PDE1A: variants seen among roughly 807,000 people sequenced by gnomAD.
PDE1A encodes the protein phosphodiesterase 1A, also known as dual specificity calcium/calmodulin-dependent 3',5'-cyclic nucleotide phosphodiesterase 1A.
Under a neutral mutation model 61.7 loss-of-function variants are expected in PDE1A, and 35 were observed. The ratio of observed to expected loss-of-function variants is 0.57; its 90% CI spans 0.43 to 0.75. The LOEUF (loss-of-function observed/expected upper bound fraction) is 0.75, where lower values mean the gene tolerates loss of function less well. Ranked by LOEUF, PDE1A falls within the 30% of genes least tolerant of loss-of-function variation. PDE1A has a pLI of 0.00. For synonymous variants in PDE1A, 232 were observed against 213.2 expected, an observed-to-expected ratio of 1.09 and a Z score of -0.77; for missense variants, 597 against 630.6, an observed-to-expected ratio of 0.95 and a Z score of 0.57.
At chr2:182,165,063 A>G (rs1428414679), downstream of PDE1A, among the ~76,000 whole-genome samples, 3 of 152,114 alleles carry the variant, frequency 2.0e-5, no homozygotes, top group East Asian at 1.9e-4. Flanking sequence ...CTAGGTGACA[A>G]TATTTTACAG....
chr2:182,485,371 A>G (rs1559504446), intron 2 of PDE1A, among the ~76,000 whole-genome samples: 1 of 151,964 alleles, frequency 6.6e-6, no homozygotes, highest in Non-Finnish European at 1.5e-5. Flanking sequence ...CCTGAGGGCA[A>G]TGGGTGGGAG....
intron 13 of PDE1A, among the ~76,000 whole-genome samples, chr2:182,159,154 C>T (rs1691246540): frequency 6.6e-6 from 1 of 152,172 alleles, no homozygotes; most frequent in South Asian, 2.1e-4. Flanking sequence ...ACCAAGTTTA[C>T]TGGATAAGCT....
chr2:182,146,148 CAG>C (rs1690483300), downstream of PDE1A, among the ~76,000 whole-genome samples: 1 of 152,184 alleles, frequency 6.6e-6, no homozygotes, highest in Admixed American at 6.5e-5. Context: ...CGGTTCAAGA[CAG>C]TGGTTCTCAA....
the PDE1A span, among the ~76,000 whole-genome samples, chr2:182,685,338 A>G: frequency 6.6e-6 from 1 of 152,174 alleles, no homozygotes; most frequent in Admixed American, 6.5e-5. Context: ...AGTTTTTAGT[A>G]AATCAGCTAA....
chr2:182,220,316 G>A (rs1688612926), intron 7 of PDE1A, among the ~76,000 whole-genome samples: 2 of 152,018 alleles, frequency 1.3e-5, no homozygotes, highest in South Asian at 4.1e-4. Context: ...CTGAGATCAT[G>A]GGGAAAGCTG....
At chr2:182,298,548 C>A (rs1334642706) in intron 1 of PDE1A, among the ~76,000 whole-genome samples, 1 of 152,014 alleles carries the variant, frequency 6.6e-6, no homozygotes, top group African/African-American at 2.4e-5. Context: ...CTTAGAACCC[C>A]AACAGAAGTG....
In PDE1A at chr2:182,378,711, T is replaced by C. The variant is rs910454148; in HGVS notation, c.53+47867A>G. Among the ~76,000 whole-genome samples, 43 of 152,228 alleles carry C rather than the reference T, an allele frequency of 2.8e-4. 1 individual carries two copies. The highest frequency in any genetic ancestry group is 2.6e-3 in the Admixed American group (39 of 15,288). ...GAGGTCCAATATGCAACTAATGAAC[T>C]ATCCAAATAAAATGCTACCATATAT... On this transcript the variant is annotated intron_variant, in intron 1 of 13. Coordinates refer to ENST00000351439, the Ensembl canonical transcript of PDE1A.
At chr2:182,444,919 G>C in intron 2 of PDE1A, among the ~76,000 whole-genome samples, 1 of 152,034 alleles carries the variant, frequency 6.6e-6, no homozygotes, top group Non-Finnish European at 1.5e-5. Flanking sequence ...ATCCTCTGTG[G>C]TTTTATGTGC....
chr2:182,512,182 C>T (rs1689843546), intron 2 of PDE1A, among the ~76,000 whole-genome samples: 1 of 152,182 alleles, frequency 6.6e-6, no homozygotes, highest in African/African-American at 2.4e-5. Flanking sequence ...GTCCTTTTTC[C>T]AGCACCTTTC....
the PDE1A span, among the ~76,000 whole-genome samples, chr2:182,657,404 A>G: frequency 6.6e-6 from 1 of 152,234 alleles, no homozygotes; most frequent in Admixed American, 6.5e-5. Flanking sequence ...ATCTCCAGTG[A>G]AGATGATGTC....
chr2:182,545,884 A>G, the PDE1A span, among the ~76,000 whole-genome samples: 329 of 152,336 alleles, frequency 2.2e-3, 2 homozygotes, highest in African/African-American at 7.0e-3. Flanking sequence ...GTATAATTAC[A>G]TAATGTAATT....
At chr2:182,541,296 C>G in the PDE1A span, among the ~76,000 whole-genome samples, 1 of 152,200 alleles carries the variant, frequency 6.6e-6, no homozygotes, top group Non-Finnish European at 1.5e-5. Flanking sequence ...TCTGGCCCTA[C>G]TCCTTGCTAA....
At chr2:182,666,824 G>C in the PDE1A span, among the ~76,000 whole-genome samples, 1 of 152,238 alleles carries the variant, frequency 6.6e-6, no homozygotes, top group East Asian at 1.9e-4. Context: ...CAGTATAGCA[G>C]GTTTGGAGTG....
At chr2:182,279,248 C>A (rs1693643250) in intron 1 of PDE1A, among the ~76,000 whole-genome samples, 1 of 151,822 alleles carries the variant, frequency 6.6e-6, no homozygotes, top group African/African-American at 2.4e-5. Context: ...AGAAAATATG[C>A]CACTCTGTAA....
At chr2:182,711,491 G>T in the PDE1A span, among the ~76,000 whole-genome samples, 98 of 152,054 alleles carry the variant, frequency 6.4e-4, no homozygotes, top group Non-Finnish European at 1.0e-3. Flanking sequence ...GTGTGTATAT[G>T]TATATACATA....
the PDE1A span, among the ~76,000 whole-genome samples, chr2:182,678,315 C>G: frequency 3.0e-4 from 45 of 151,966 alleles, no homozygotes; most frequent in Non-Finnish European, 5.0e-4. Flanking sequence ...CCCAGCTACT[C>G]GGGAGGCTGA....
chr2:182,476,218 G>A (rs993265644), intron 2 of PDE1A, among the ~76,000 whole-genome samples: 3 of 151,752 alleles, frequency 2.0e-5, no homozygotes, highest in African/African-American at 7.3e-5. Context: ...AGGCTGGATG[G>A]GGTGGTTCAC....
chr2:182,367,540 G>A (rs529722330), intron 1 of PDE1A, among the ~76,000 whole-genome samples: 77 of 152,018 alleles, frequency 5.1e-4, no homozygotes, highest in African/African-American at 1.8e-3. Flanking sequence ...ATGTCTAGTG[G>A]AACAAAAGAA....
chr2:182,651,961 G>T, the PDE1A span, among the ~76,000 whole-genome samples: 1 of 152,168 alleles, frequency 6.6e-6, no homozygotes, highest in Non-Finnish European at 1.5e-5. Flanking sequence ...AAGGAAGTCA[G>T]GGATCCAACA....
Sources: gnomAD v4.1 joint callset for allele counts (sites outside exome capture counted in the v4.1 genomes callset) on GRCh38, gnomAD v4.1.1 for gene constraint, MANE v1.5 for transcripts, NCBI Gene and HGNC (gene_info 2026-07-23, HGNC 2026-07-21) for gene names.